RTP2: variants seen among roughly 807,000 people sequenced by gnomAD.
RTP2 encodes receptor-transporting protein 2.
In RTP2, 12 loss-of-function variants were observed where a neutral mutation model predicts 17.9. The observed-to-expected ratio is 0.67, with a 90% CI of 0.43 to 1.09. The LOEUF (loss-of-function observed/expected upper bound fraction) is 1.09. RTP2 is among the 50% of genes least tolerant of loss of function. The probability of loss-of-function intolerance (pLI) is 0.00; values close to 1 mark genes in which losing one functional copy is unlikely to be tolerated. For synonymous variants in RTP2, 126 were observed against 117.7 expected (o/e 1.07, Z -0.46); for missense variants, 327 against 295.7 (o/e 1.11, Z -0.78).
intron 1 of RTP2, among the ~76,000 whole-genome samples, chr3:187,700,607 C>T (rs1717820245): frequency 6.6e-6 from 1 of 152,266 alleles, no homozygotes; most frequent in Admixed American, 6.5e-5. Context: ...TCTCCTTCTA[C>T]ACCTTTTTAC....
At chr3:187,699,101 G>A in intron 1 of RTP2, 90 bp from the exon 2 acceptor site, 2 of 1,422,236 alleles carry the variant, frequency 1.4e-6, no homozygotes, top group African/African-American at 1.4e-5. Context: ...AAGCCTGTGT[G>A]CCCGTGCTTG....
At chr3:187,703,597 C>T (rs762346277), upstream of RTP2, among the ~76,000 whole-genome samples, 1 of 152,174 alleles carries the variant, frequency 6.6e-6, no homozygotes, top group Non-Finnish European at 1.5e-5. Flanking sequence ...TGGAAAATTA[C>T]TGGCCCAGGC....
upstream of RTP2, among the ~76,000 whole-genome samples, chr3:187,705,698 C>A (rs1409490610): frequency 6.6e-6 from 1 of 152,078 alleles, no homozygotes; most frequent in South Asian, 2.1e-4. Context: ...GATGGGGATT[C>A]CTTGATGAGC....
chr3:187,702,881 T>C (rs1408785290), upstream of RTP2, among the ~76,000 whole-genome samples: 2 of 152,232 alleles, frequency 1.3e-5, no homozygotes, highest in Non-Finnish European at 2.9e-5. Context: ...TAATTTCATA[T>C]GCCATGCAAA....
chr3:187,698,578 G>C (rs754331122), exon 2 of RTP2: 2 of 1,614,242 alleles, frequency 1.2e-6, no homozygotes, highest in Non-Finnish European at 1.7e-6. Flanking sequence ...AGGCACCAGC[G>C]AAGAGACAAG....
At chr3:187,699,556 G>A (rs867816783) in intron 1 of RTP2, among the ~76,000 whole-genome samples, 5 of 152,174 alleles carry the variant, frequency 3.3e-5, no homozygotes, top group Non-Finnish European at 5.9e-5. Flanking sequence ...AGAATGATGG[G>A]ATGGACAGAC....
At chr3:187,702,101 A>G in exon 1 of RTP2, 2 of 1,612,158 alleles carry the variant, frequency 1.2e-6, no homozygotes, top group East Asian at 2.2e-5. Flanking sequence ...ACTTTCTTCC[A>G]CTCACAAGTG....
the RTP2 span, among the ~76,000 whole-genome samples, chr3:187,712,739 C>A: frequency 6.6e-6 from 1 of 152,140 alleles, no homozygotes; most frequent in Admixed American, 6.5e-5. Context: ...TAGAACTCTG[C>A]GGTCTCAACG....
chr3:187,699,290 C>G (rs535633338), intron 1 of RTP2, among the ~76,000 whole-genome samples: 1 of 152,168 alleles, frequency 6.6e-6, no homozygotes, highest in Non-Finnish European at 1.5e-5. Flanking sequence ...AGCTGCCCCC[C>G]AGCCCGATGC....
At chr3:187,700,420 T>C (rs1717815688) in intron 1 of RTP2, among the ~76,000 whole-genome samples, 1 of 152,280 alleles carries the variant, frequency 6.6e-6, no homozygotes, top group East Asian at 1.9e-4. Flanking sequence ...CTTCAGCTCT[T>C]CCTGAGGCCA....
At chr3:187,701,042 C>T (rs2108542129) in intron 1 of RTP2, among the ~76,000 whole-genome samples, 1 of 152,318 alleles carries the variant, frequency 6.6e-6, no homozygotes, top group South Asian at 2.1e-4. Flanking sequence ...CGTGAACAAC[C>T]CAGCCTTTGT....
intron 1 of RTP2, among the ~76,000 whole-genome samples, chr3:187,699,672 C>G (rs1717791530): frequency 6.6e-6 from 1 of 151,732 alleles, no homozygotes; most frequent in South Asian, 2.1e-4. Flanking sequence ...TTCTCTAGAT[C>G]CCACTCTAGC....
the RTP2 span, among the ~76,000 whole-genome samples, chr3:187,710,397 ATATC>A: frequency 7.4e-6 from 1 of 134,572 alleles, no homozygotes; most frequent in Admixed American, 7.6e-5. Flanking sequence ...ATATATATAT[ATATC>A]ATATATTATA....
the RTP2 span, among the ~76,000 whole-genome samples, chr3:187,707,774 T>C: frequency 6.6e-6 from 1 of 152,218 alleles, no homozygotes; most frequent in Non-Finnish European, 1.5e-5. Flanking sequence ...TTGCTCTCTC[T>C]TCCTTTTCCC....
At chr3:187,711,557 C>A in the RTP2 span, among the ~76,000 whole-genome samples, 1 of 152,188 alleles carries the variant, frequency 6.6e-6, no homozygotes, top group African/African-American at 2.4e-5. Flanking sequence ...TGGCACCAAT[C>A]CATTGAAGTT....
chr3:187,701,908 C>G, intron 1 of RTP2, 57 bp downstream of exon 1: 1 of 1,474,416 alleles, frequency 6.8e-7, no homozygotes, highest in Non-Finnish European at 9.1e-7. Context: ...TTGGAAAGTA[C>G]CCCACAGCTG....
At chr3:187,703,005 C>T (rs1579784218), upstream of RTP2, among the ~76,000 whole-genome samples, 1 of 149,696 alleles carries the variant, frequency 6.7e-6, no homozygotes, top group East Asian at 1.9e-4. Context: ...TTGTTCTGTG[C>T]TGCAGGCTCC....
At chr3:187,701,348 C>A (rs1044884164) in intron 1 of RTP2, among the ~76,000 whole-genome samples, 1 of 152,104 alleles carries the variant, frequency 6.6e-6, no homozygotes, top group African/African-American at 2.4e-5. Flanking sequence ...AAAGCTAAAT[C>A]TTTTTATCAC....
At chr3:187,711,368 T>C in the RTP2 span, among the ~76,000 whole-genome samples, 1 of 152,228 alleles carries the variant, frequency 6.6e-6, no homozygotes, top group Non-Finnish European at 1.5e-5. Context: ...CCATGCACTA[T>C]GCCATTAGGG....
Sources: gnomAD v4.1 joint callset for allele counts (sites outside exome capture counted in the v4.1 genomes callset) on GRCh38, gnomAD v4.1.1 for gene constraint, MANE v1.5 for transcripts, NCBI Gene and HGNC (gene_info 2026-07-23, HGNC 2026-07-21) for gene names.